The following SP3 variants were observed in gnomAD, a reference collection of about 807,000 sequenced individuals.
SP3 encodes Sp3 transcription factor.
Under a neutral mutation model 70.3 loss-of-function variants are expected in SP3, and 10 were observed. The observed-to-expected ratio is 0.14, with a 90% CI of 0.09 to 0.24. The LOEUF (loss-of-function observed/expected upper bound fraction) is 0.24, where lower values mean the gene tolerates loss of function less well. Among genes scored for constraint, SP3 ranks in the 10% least tolerant of loss-of-function variants. The pLI is 1.00. For missense variants in SP3, 825 were observed against 914.6 expected (o/e 0.90, Z 1.26); for synonymous variants, 402 against 333.5 (o/e 1.21, Z -2.24).
At chr2:173,911,711 A>T (rs908655734) in intron 6 of SP3, among the ~76,000 whole-genome samples, 1 of 151,976 alleles carries the variant, frequency 6.6e-6, no homozygotes. Context: ...TAACAGGGCC[A>T]TCATAAGATC....
At position 173,918,709 on chromosome 2, in the gene SP3, G is replaced by A; in HGVS notation, c.1716C>T (p.Asp572=). The change falls in exon 5 of 7, where the codon GAC becomes GAT. Residue 572 remains aspartate, a synonymous_variant. Coordinates refer to ENST00000310015, the MANE Select transcript of SP3 (RefSeq NM_003111.5). ...CCACCTGTACTCTTAAGTGTGTTAGGTCATTGGTATTCAAGGTAGAATCAC... is the reference window on the plus strand; with the variant it reads ...CCACCTGTACTCTTAAGTGTGTTAGATCATTGGTATTCAAGGTAGAATCAC... ...LSGDSTLNTN[D]LTHLRVQVVD... 3 of 1,613,510 alleles carry A rather than the reference G, an allele frequency of 1.9e-6. No individual in the cohort carries two copies. Among genetic ancestry groups the A allele is most frequent in the Non-Finnish European group, 2.5e-6 (3 of 1,179,728 alleles).
intron 4 of SP3, among the ~76,000 whole-genome samples, chr2:173,946,129 AAAT>A (rs1690527481): frequency 6.6e-6 from 1 of 152,166 alleles, no homozygotes; most frequent in Non-Finnish European, 1.5e-5. Flanking sequence ...ACGGTCTCAA[AAAT>A]AATAATAAAT....
chr2:173,931,788 C>A (rs2105473039), intron 4 of SP3, among the ~76,000 whole-genome samples: 1 of 152,304 alleles, frequency 6.6e-6, no homozygotes, highest in Admixed American at 6.5e-5. Flanking sequence ...CAGTATTCTG[C>A]TAACTTCCAA....
chr2:173,932,626 G>T (rs898203058), intron 4 of SP3, among the ~76,000 whole-genome samples: 2 of 152,174 alleles, frequency 1.3e-5, no homozygotes, highest in African/African-American at 4.8e-5. Context: ...TGGGTGCATG[G>T]TCTGTTGTGC....
chr2:173,949,057 AAGG>A (rs1472461538), intron 4 of SP3, among the ~76,000 whole-genome samples: 2 of 152,156 alleles, frequency 1.3e-5, no homozygotes, highest in Non-Finnish European at 2.9e-5. Context: ...AGAGGGGCAA[AAGG>A]AGATCTACCA....
chr2:173,963,934 G>C, intron 2 of SP3, 51 bp from the exon 3 acceptor site: 2 of 1,316,524 alleles, frequency 1.5e-6, no homozygotes, highest in Middle Eastern at 2.9e-4. Flanking sequence ...GGGGGTGGCG[G>C]TTAGGGTCGG....
chr2:173,915,553 T>C (rs922526828), intron 5 of SP3: 22 of 152,164 alleles, frequency 1.4e-4, no homozygotes, highest in African/African-American at 5.3e-4. Context: ...AATGCTAAGA[T>C]AGAGTGGAAG....
chr2:173,961,960 T>TTTA (rs1177258008), intron 3 of SP3, among the ~76,000 whole-genome samples: 2 of 149,558 alleles, frequency 1.3e-5, no homozygotes, highest in African/African-American at 2.5e-5. Flanking sequence ...TTTTTTTTTT[T>TTTA]AGGCAAAACT....
chr2:173,955,320 G>C lies in SP3; in HGVS notation c.1192C>G (p.Leu398Val), dbSNP rs776345384. The C allele has an allele frequency of 1.1e-5, 18 of 1,613,934 alleles. No homozygotes were observed. The Admixed American group carries it at 2.8e-4, about 25-fold the overall frequency. The change falls in exon 4 of 7, where the codon CTA (leucine) becomes GTA (valine). Residue 398 changes from leucine (L) to valine (V), a missense_variant. By Grantham distance (32) the Leu-to-Val change is conservative (BLOSUM62 1). Coordinates refer to ENST00000310015, the MANE Select transcript of SP3 (RefSeq NM_003111.5). ...VSTAQPVVQH[L>V]QLQESQQPTS... ...GGCTGCTGAGACTCTTGAAGTTGTA[G>C]ATGCTGTACAACAGGCTGTGCTGTA...
Position 173,905,642 on chromosome 2 carries a change from G to A in SP3, c.*4299C>T, listed in dbSNP as rs1391484534. On this transcript the variant is annotated 3_prime_UTR_variant, in exon 7 of 7. Coordinates refer to ENST00000310015, the MANE Select transcript of SP3 (RefSeq NM_003111.5). ...TTTTTAAAAAATATATTCATATCAT[G>A]AAGACTTTATAACATCAAATAAAAG... Among the ~76,000 whole-genome samples the A allele has an allele frequency of 6.6e-6, 1 of 151,796 alleles. No individual in the cohort carries two copies. The highest frequency in any genetic ancestry group is 6.6e-5 in the Admixed American group (1 of 15,254).
At chr2:173,916,108 A>T (rs1689613207) in intron 5 of SP3, 1 of 152,110 alleles carries the variant, frequency 6.6e-6, no homozygotes, top group Non-Finnish European at 1.5e-5. Flanking sequence ...TCATTTATAC[A>T]AGTGTGTCTA....
At chr2:173,933,638 T>TTATATATATA (rs60102426) in intron 4 of SP3, among the ~76,000 whole-genome samples, 5,058 of 86,040 alleles carry the variant, frequency 0.059, 225 homozygotes, top group Non-Finnish European at 0.072. Flanking sequence ...TTATAAAACT[T>TTATATATATA]TATATATATA....
chr2:173,954,276 A>C (rs1229711295), intron 4 of SP3, among the ~76,000 whole-genome samples: 1 of 152,222 alleles, frequency 6.6e-6, no homozygotes, highest in Non-Finnish European at 1.5e-5. Context: ...ACTATTGACA[A>C]CTATTTCTAG....
chr2:173,920,953 G>A (rs1275600256), intron 4 of SP3, among the ~76,000 whole-genome samples: 2 of 152,094 alleles, frequency 1.3e-5, no homozygotes, highest in African/African-American at 4.8e-5. Flanking sequence ...AGTGGTGACT[G>A]CCTACTTTTG....
chr2:173,934,900 A>C (rs1292837180), intron 4 of SP3, among the ~76,000 whole-genome samples: 1 of 152,220 alleles, frequency 6.6e-6, no homozygotes, highest in African/African-American at 2.4e-5. Flanking sequence ...GATCCAAGGT[A>C]ATGAATGGCT....
rs141835046 is a variant in SP3 at position 173,957,613 on chromosome 2, C to T, written c.280-1381G>A. Among the ~76,000 whole-genome samples the T allele has an allele frequency of 3.3e-5, 5 of 152,182 alleles. No individual in the cohort carries two copies. In the East Asian group the frequency reaches 5.8e-4, roughly 18 times the overall value. On this transcript the variant is annotated intron_variant, in intron 3 of 6. Coordinates refer to ENST00000310015, the MANE Select transcript of SP3 (RefSeq NM_003111.5). ...GAACAGGACTAGATATTTTTATCAA[C>T]GCTTGTAAATGGCTTCACAGATCCC...
In SP3 at chr2:173,943,533, GTT is replaced by G. The variant is rs544432180; in HGVS notation, c.1639+11338_1639+11339del. On this transcript the variant is annotated intron_variant, in intron 4 of 6. Transcript: ENST00000310015. ...TTTTATGAGATGGGGGTCTCACTAT[GTT>G]GCCCAGGCTGGTCTCGAACTCCTGG... is the stretch of plus-strand genomic sequence containing the variant. 2.6e-4 allele frequency among the ~76,000 whole-genome samples: 40 copies of G among 152,170 alleles called. No homozygotes were observed. The South Asian group carries it at 8.3e-3, about 32-fold the overall frequency.
chr2:173,940,343 T>G (rs1393246492), intron 4 of SP3, among the ~76,000 whole-genome samples: 1 of 152,230 alleles, frequency 6.6e-6, no homozygotes, highest in Non-Finnish European at 1.5e-5. Context: ...GCTTGCAACC[T>G]AGATCCCTCG....
intron 4 of SP3, among the ~76,000 whole-genome samples, chr2:173,940,955 A>C (rs1472289427): frequency 6.6e-6 from 1 of 151,908 alleles, no homozygotes; most frequent in African/African-American, 2.4e-5. Flanking sequence ...CCAACCCTTA[A>C]ACCTGTGTCC....
Sources: gnomAD v4.1 joint callset for allele counts (sites outside exome capture counted in the v4.1 genomes callset) on GRCh38, gnomAD v4.1.1 for gene constraint, MANE v1.5 for transcripts, NCBI Gene and HGNC (gene_info 2026-07-23, HGNC 2026-07-21) for gene names.